SAMM50: variants seen among roughly 807,000 people sequenced by gnomAD.
The protein encoded by SAMM50 is SAMM50 sorting and assembly machinery component.
In SAMM50, 47 loss-of-function variants were observed where a neutral mutation model predicts 66.9. The ratio of observed to expected loss-of-function variants is 0.70; its 90% CI spans 0.56 to 0.90. SAMM50 has a LOEUF of 0.90. Ranked by LOEUF, SAMM50 falls within the 40% of genes least tolerant of loss-of-function variation. SAMM50 has a pLI of 0.00. For missense variants in SAMM50, 535 were observed against 595.3 expected (o/e 0.90, Z 1.05); for synonymous variants, 191 against 214.1 (o/e 0.89, Z 0.94).
intron 10 of SAMM50, among the ~76,000 whole-genome samples, chr22:43,978,277 T>TA (rs917967309): frequency 5.3e-5 from 8 of 150,980 alleles, no homozygotes; most frequent in African/African-American, 1.2e-4. Context: ...CCCTGTCTAC[T>TA]AAAAAAAATT....
At chr22:43,973,209 T>C in intron 6 of SAMM50, 27 bp from the exon 7 acceptor site, 1 of 1,464,058 alleles carries the variant, frequency 6.8e-7, no homozygotes, top group African/African-American at 1.4e-5. Flanking sequence ...GTTTCAGCTT[T>C]TAAAGCTCTA....
chr22:43,957,621 A>G (rs1449641017), intron 1 of SAMM50, among the ~76,000 whole-genome samples: 2 of 152,142 alleles, frequency 1.3e-5, no homozygotes, highest in Non-Finnish European at 2.9e-5. Flanking sequence ...CGGGGGTTTC[A>G]TCATGTTGGC....
At chr22:43,989,064 T>C in intron 12 of SAMM50, 47 bp from the exon 13 acceptor site, 10 of 1,586,708 alleles carry the variant, frequency 6.3e-6, no homozygotes, top group Non-Finnish European at 8.6e-6. Context: ...AACGTGATGT[T>C]AACCTTGTCG....
intron 6 of SAMM50, 78 bp downstream of exon 6, chr22:43,973,079 C>A: frequency 1.3e-6 from 2 of 1,534,870 alleles, no homozygotes; most frequent in South Asian, 2.4e-5. Flanking sequence ...TGAAAAGAAC[C>A]ATGACAGAAT....
At chr22:43,993,278 C>T (rs762955001) in intron 14 of SAMM50, among the ~76,000 whole-genome samples, 9 of 152,232 alleles carry the variant, frequency 5.9e-5, no homozygotes, top group South Asian at 2.1e-4. Context: ...GTGCACGTCT[C>T]GGGCAGGGAG....
At chr22:43,955,860 TTC>T (rs970554683) in intron 1 of SAMM50, among the ~76,000 whole-genome samples, 5 of 152,222 alleles carry the variant, frequency 3.3e-5, no homozygotes, top group Non-Finnish European at 7.3e-5. Flanking sequence ...CTTGCCAACT[TTC>T]TGTGATGTCT....
chr22:43,989,243 G>A lies in SAMM50; in HGVS notation c.1208G>A (p.Cys403Tyr), dbSNP rs1345157019. Residue 403 changes from cysteine to tyrosine, a missense_variant, in exon 13 of 15, where the codon TGC becomes TAC. Physicochemically the swap from Cys to Tyr is radical, Grantham distance 194. Coordinates refer to ENST00000350028, the MANE Select transcript of SAMM50 (RefSeq NM_015380.5). ...TTCTTTCTCAACGCAGGAAACCTCT[G>A]CAACCTCAACTATGGTAAAACTTGC... ...THFFLNAGNL[C>Y]NLNYGEGPKA... The A allele has an allele frequency of 6.2e-7, 1 of 1,613,910 alleles. No individual in the cohort carries two copies. The highest frequency in any genetic ancestry group is 1.1e-5 in the South Asian group (1 of 91,066).
chr22:43,995,292 G>C (rs1011763628), intron 14 of SAMM50: 5 of 152,218 alleles, frequency 3.3e-5, no homozygotes, highest in African/African-American at 1.2e-4. Context: ...CTCAGAGTCA[G>C]GTTGGAAAAG....
chr22:43,970,757 C>T (rs1311003670), intron 4 of SAMM50, among the ~76,000 whole-genome samples: 4 of 151,900 alleles, frequency 2.6e-5, no homozygotes, highest in Non-Finnish European at 4.4e-5. Flanking sequence ...TTTTTACCCG[C>T]AACCCACTGT....
intron 1 of SAMM50, among the ~76,000 whole-genome samples, chr22:43,956,079 C>T (rs770440939): frequency 6.6e-6 from 1 of 152,100 alleles, no homozygotes; most frequent in Non-Finnish European, 1.5e-5. Context: ...CGCTCTCTGC[C>T]TTACTTCCTG....
chr22:43,958,560 C>A (rs1028639326), intron 1 of SAMM50, among the ~76,000 whole-genome samples: 1 of 146,810 alleles, frequency 6.8e-6, no homozygotes, highest in African/African-American at 2.5e-5. Context: ...CTCACTGCAA[C>A]CTCTGCCTCC....
chr22:43,964,395 G>C (rs1334448933), intron 2 of SAMM50, 57 bp from the exon 3 acceptor site: 2 of 834,380 alleles, frequency 2.4e-6, no homozygotes, highest in African/African-American at 3.4e-5. Flanking sequence ...CTTTAGTCTT[G>C]ACACCTAATC....
At chr22:43,976,896 G>T in intron 9 of SAMM50, 75 bp downstream of exon 9, 1 of 937,310 alleles carries the variant, frequency 1.1e-6, no homozygotes, top group East Asian at 2.6e-5. Context: ...GTCCCGGTGG[G>T]CTGGGTGGGC....
At chr22:43,964,415 C>A in intron 2 of SAMM50, 37 bp from the exon 3 acceptor site, 1 of 1,092,368 alleles carries the variant, frequency 9.2e-7, no homozygotes, top group Non-Finnish European at 1.4e-6. Context: ...CTGTTTGCCT[C>A]ATGTCATCCC....
At chr22:43,972,716 A>G (rs2050209850) in intron 5 of SAMM50, among the ~76,000 whole-genome samples, 155 bp from the exon 6 acceptor site, 1 of 152,240 alleles carries the variant, frequency 6.6e-6, no homozygotes, top group South Asian at 2.1e-4. Flanking sequence ...CATGTTTTAA[A>G]GAATGAAAGT....
intron 12 of SAMM50, chr22:43,988,298 C>T (rs1265247559): frequency 6.6e-6 from 1 of 152,146 alleles, no homozygotes; most frequent in Non-Finnish European, 1.5e-5. Flanking sequence ...GAACTGAAGT[C>T]TTTAAATGAA....
chr22:43,977,746 A>C, intron 9 of SAMM50, 126 bp from the exon 10 acceptor site: 3 of 622,972 alleles, frequency 4.8e-6, no homozygotes, highest in Non-Finnish European at 8.5e-6. Flanking sequence ...TCTAGGAGAC[A>C]GAATTTTCTG....
intron 12 of SAMM50, chr22:43,987,953 T>C (rs930422399): frequency 6.6e-6 from 1 of 152,002 alleles, no homozygotes; most frequent in African/African-American, 2.4e-5. Flanking sequence ...GCACCACATT[T>C]TATTGGCTTG....
chr22:43,955,829 GC>G (rs2050116427), intron 1 of SAMM50, among the ~76,000 whole-genome samples: 1 of 152,232 alleles, frequency 6.6e-6, no homozygotes, highest in African/African-American at 2.4e-5. Flanking sequence ...AGGTCACTCG[GC>G]GAGTCCGTGG....
Sources: allele counts gnomAD v4.1 joint callset (sites outside exome capture counted in the v4.1 genomes callset), GRCh38; gene constraint gnomAD v4.1.1; transcripts MANE v1.5; gene names NCBI Gene and HGNC (gene_info 2026-07-23, HGNC 2026-07-21).